GALNT17: variants seen among roughly 807,000 people sequenced by gnomAD.
GALNT17 encodes UDP-GalNAc:polypeptide N-acetylgalactosaminyltransferase-like 3.
In GALNT17, 29 loss-of-function variants were observed where a neutral mutation model predicts 63.7. The observed-to-expected ratio is 0.46, with a 90% CI of 0.34 to 0.62. The LOEUF (loss-of-function observed/expected upper bound fraction) is 0.62. GALNT17 is among the 20% of genes least tolerant of loss of function. GALNT17 has a pLI of 0.01. For synonymous variants in GALNT17, 305 were observed against 318.3 expected, an observed-to-expected ratio of 0.96 and a Z score of 0.45; for missense variants, 603 against 799.6, an observed-to-expected ratio of 0.75 and a Z score of 2.97.
intron 9 of GALNT17, among the ~76,000 whole-genome samples, chr7:71,692,233 T>C (rs948278793): frequency 7.2e-5 from 11 of 152,278 alleles, no homozygotes; most frequent in African/African-American, 2.6e-4. Flanking sequence ...CCCTTCTTTT[T>C]TACTGAAGGC....
intron 2 of GALNT17, among the ~76,000 whole-genome samples, chr7:71,378,647 T>A (rs10277210): frequency 0.056 from 8,514 of 152,104 alleles, 715 homozygotes; most frequent in African/African-American, 0.18. Context: ...GTTCATTCAG[T>A]AACCATTTAT....
chr7:71,509,525 A>AT (rs1367484217), intron 5 of GALNT17, among the ~76,000 whole-genome samples: 4 of 152,350 alleles, frequency 2.6e-5, no homozygotes, highest in African/African-American at 9.6e-5. Context: ...AGTGGGTATA[A>AT]TTATCTCTGT....
chr7:71,660,534 A>G (rs1562726115), intron 6 of GALNT17, among the ~76,000 whole-genome samples: 1 of 152,242 alleles, frequency 6.6e-6, no homozygotes, highest in Non-Finnish European at 1.5e-5. Flanking sequence ...TGTAGAGAAT[A>G]GATCCGCAGG....
At chr7:71,290,663 C>G (rs764705199) in intron 1 of GALNT17, among the ~76,000 whole-genome samples, 2 of 152,176 alleles carry the variant, frequency 1.3e-5, no homozygotes, top group Non-Finnish European at 2.9e-5. Context: ...ACAAAAGCAT[C>G]AGTATTGGCT....
intron 9 of GALNT17, among the ~76,000 whole-genome samples, chr7:71,680,490 CCCTCCCTCTCTCCCTT>C (rs1791234675): frequency 2.2e-5 from 2 of 89,892 alleles, no homozygotes; most frequent in Non-Finnish European, 2.6e-5. Context: ...CTCCCTTCCT[CCCTCCCTCTCTCCCTT>C]CCTCCCTCCC....
intron 9 of GALNT17, among the ~76,000 whole-genome samples, chr7:71,707,613 G>A (rs993137113): frequency 2.0e-5 from 3 of 152,184 alleles, no homozygotes; most frequent in African/African-American, 7.2e-5. Context: ...AGGCTTGGCT[G>A]ATCTAGGCTG....
At chr7:71,398,740 AAG>A (rs1222115409) in intron 3 of GALNT17, among the ~76,000 whole-genome samples, 2 of 152,210 alleles carry the variant, frequency 1.3e-5, no homozygotes, top group Non-Finnish European at 2.9e-5. Context: ...AAGATGAAAA[AAG>A]TTGTGGAAAT....
At chr7:71,296,876 G>C (rs1403721779) in intron 1 of GALNT17, among the ~76,000 whole-genome samples, 3 of 152,114 alleles carry the variant, frequency 2.0e-5, no homozygotes, top group Admixed American at 2.0e-4. Flanking sequence ...TTTCGCTGCT[G>C]TGTCATTGAT....
At chr7:71,701,910 T>TATATATGTGTATATATATATAC (rs1791655164) in intron 9 of GALNT17, among the ~76,000 whole-genome samples, 1 of 129,244 alleles carries the variant, frequency 7.7e-6, no homozygotes, top group African/African-American at 3.1e-5. Flanking sequence ...TATATATATA[T>TATATATGTGTATATATATATAC]ACATATATAT....
At chr7:71,621,545 T>TGGATG (rs1554316554) in intron 6 of GALNT17, among the ~76,000 whole-genome samples, 24 of 87,368 alleles carry the variant, frequency 2.7e-4, no homozygotes, top group African/African-American at 7.0e-4. Flanking sequence ...ATTGATGGAT[T>TGGATG]GATGGATAGA....
intron 1 of GALNT17, among the ~76,000 whole-genome samples, chr7:71,315,773 G>T (rs1257975468): frequency 6.6e-6 from 1 of 152,076 alleles, no homozygotes; most frequent in Non-Finnish European, 1.5e-5. Context: ...GGTGCAGAGT[G>T]CTGTGAAACA....
chr7:71,317,644 C>T (rs1018208653), intron 1 of GALNT17, among the ~76,000 whole-genome samples: 2 of 152,138 alleles, frequency 1.3e-5, no homozygotes, highest in African/African-American at 2.4e-5. Flanking sequence ...CTGGCCACAA[C>T]GTGGAGGGCT....
chr7:71,616,203 C>G (rs1335722837), intron 6 of GALNT17, among the ~76,000 whole-genome samples: 1 of 152,036 alleles, frequency 6.6e-6, no homozygotes, highest in Admixed American at 6.6e-5. Context: ...TTACTAGAAT[C>G]TAGTCTGTTC....
intron 1 of GALNT17, among the ~76,000 whole-genome samples, chr7:71,235,647 C>T (rs1325205325): frequency 3.5e-4 from 54 of 152,138 alleles, no homozygotes; most frequent in Non-Finnish European, 2.1e-4. Context: ...TATCAATCTC[C>T]CAGCACCGCA....
chr7:71,136,180 C>T (rs11762323), intron 1 of GALNT17, among the ~76,000 whole-genome samples: 12,932 of 152,184 alleles, frequency 0.085, 764 homozygotes, highest in Non-Finnish European at 0.13. Flanking sequence ...CAGTGGGAGG[C>T]TGCTCCGAGA....
At chr7:71,256,292 C>T (rs1790288631) in intron 1 of GALNT17, among the ~76,000 whole-genome samples, 2 of 152,230 alleles carry the variant, frequency 1.3e-5, no homozygotes, top group Non-Finnish European at 2.9e-5. Context: ...AAGTTATGGG[C>T]TAGGCGTGGT....
At chr7:71,347,071 G>T (rs1213082167) in intron 2 of GALNT17, among the ~76,000 whole-genome samples, 3 of 152,174 alleles carry the variant, frequency 2.0e-5, no homozygotes, top group Admixed American at 2.0e-4. Flanking sequence ...TGGGATGGAA[G>T]AGTGGAGTAT....
intron 1 of GALNT17, among the ~76,000 whole-genome samples, chr7:71,215,382 C>T (rs1018117939): frequency 2.0e-5 from 3 of 152,000 alleles, no homozygotes; most frequent in Non-Finnish European, 4.4e-5. Context: ...TTGTCATTAT[C>T]GTTGTGTTTT....
chr7:71,162,145 C>CT (rs1788359855), intron 1 of GALNT17, among the ~76,000 whole-genome samples: 2 of 137,304 alleles, frequency 1.5e-5, no homozygotes, highest in African/African-American at 5.7e-5. Context: ...TCCTTCCTTC[C>CT]TTCCTTCCTT....
Sources: allele counts gnomAD v4.1 joint callset (sites outside exome capture counted in the v4.1 genomes callset), GRCh38; gene constraint gnomAD v4.1.1; transcripts MANE v1.5; gene names NCBI Gene and HGNC (gene_info 2026-07-23, HGNC 2026-07-21).